LOXHD1: variants seen among roughly 807,000 people sequenced by gnomAD.
LOXHD1 encodes lipoxygenase homology PLAT domains 1.
In LOXHD1, 205 loss-of-function variants were observed where a neutral mutation model predicts 248.2. The ratio of observed to expected loss-of-function variants is 0.83; its 90% CI spans 0.74 to 0.93. The LOEUF (loss-of-function observed/expected upper bound fraction) is 0.93. Ranked by LOEUF, LOXHD1 falls within the 40% of genes least tolerant of loss-of-function variation. LOXHD1 has a pLI of 0.00. For missense variants in LOXHD1, 2,930 were observed against 2,971.6 expected (o/e 0.99, Z 0.33); for synonymous variants, 1,113 against 1,162.8 (o/e 0.96, Z 0.87).
chr18:46,483,801 G>A, intron 39 of LOXHD1, 56 bp from the exon 40 acceptor site: 3 of 1,522,118 alleles, frequency 2.0e-6, no homozygotes, highest in Non-Finnish European at 2.7e-6. Flanking sequence ...AAGCAGGTAA[G>A]CATTTGTCGG....
chr18:46,488,960 TC>T lies in LOXHD1; in HGVS notation c.6049+11del. ...CTGCCTCCCTCCTGAGCCAATGATC[TC>T]CCCCACATACTGGTCTCTTCCAGCT... On this transcript the variant is annotated intron_variant, in intron 38 of 40. Transcript: ENST00000642948. The T allele has an allele frequency of 1.3e-6, 2 of 1,546,532 alleles. No homozygotes were observed. Among genetic ancestry groups the T allele is most frequent in the Non-Finnish European group, 1.8e-6 (2 of 1,142,588 alleles).
chr18:46,481,920 G>A (rs909088547), intron 40 of LOXHD1, among the ~76,000 whole-genome samples: 11 of 152,316 alleles, frequency 7.2e-5, no homozygotes, highest in Admixed American at 6.5e-4. Flanking sequence ...TAATGTGAGG[G>A]TGACTATTTT....
intron 27 of LOXHD1, 23 bp downstream of exon 27, chr18:46,534,312 G>A: frequency 1.3e-6 from 2 of 1,514,782 alleles, no homozygotes; most frequent in Non-Finnish European, 9.0e-7. Flanking sequence ...AGAAACAGCA[G>A]GACAGACCAG....
intron 2 of LOXHD1, among the ~76,000 whole-genome samples, chr18:46,648,789 T>A (rs2039067808): frequency 6.6e-6 from 1 of 152,174 alleles, no homozygotes; most frequent in Non-Finnish European, 1.5e-5. Context: ...CTCCCTCAGA[T>A]GTATGGTCTT....
chr18:46,505,822 C>A lies in LOXHD1; in HGVS notation c.5878+16G>T, dbSNP rs145820589. ...AGGGCTGCCCTCCCACCAACCTGGC[C>A]TTGAGTGGGAGCTACCTTTGTTGTC... On this transcript the variant is annotated intron_variant, in intron 37 of 40. Transcript: ENST00000642948. 74 of 1,551,546 alleles carry A rather than the reference C, an allele frequency of 4.8e-5. No individual in the cohort carries two copies. In the African/African-American group the frequency reaches 7.2e-4, roughly 15 times the overall value.
At chr18:46,499,832 A>G (rs917124018) in intron 37 of LOXHD1, among the ~76,000 whole-genome samples, 2 of 152,226 alleles carry the variant, frequency 1.3e-5, no homozygotes, top group Non-Finnish European at 2.9e-5. Flanking sequence ...AAGGGATTCT[A>G]GAAATTTGCT....
chr18:46,496,639 A>G (rs1210416312), intron 37 of LOXHD1, among the ~76,000 whole-genome samples: 1 of 152,194 alleles, frequency 6.6e-6, no homozygotes, highest in Non-Finnish European at 1.5e-5. Flanking sequence ...ATTAAAAGGA[A>G]ATTGGACACA....
chr18:46,641,116 C>T (rs981732062), intron 3 of LOXHD1, among the ~76,000 whole-genome samples: 4 of 151,626 alleles, frequency 2.6e-5, no homozygotes, highest in East Asian at 2.0e-4. Flanking sequence ...TTTCCCTGCT[C>T]GTAACCTCCT....
intron 37 of LOXHD1, among the ~76,000 whole-genome samples, chr18:46,499,325 A>G (rs1170532824): frequency 6.6e-6 from 1 of 152,184 alleles, no homozygotes. Context: ...TTAGCAGGGG[A>G]AGGGAATGGC....
intron 39 of LOXHD1, 142 bp from the exon 40 acceptor site, chr18:46,483,887 G>T: frequency 1.1e-6 from 1 of 937,676 alleles, no homozygotes. Flanking sequence ...CAGTCCTGGA[G>T]GCTTTGAGGG....
intron 5 of LOXHD1, among the ~76,000 whole-genome samples, 192 bp from the exon 6 acceptor site, chr18:46,611,116 C>A (rs1249634015): frequency 1.3e-5 from 2 of 152,184 alleles, no homozygotes; most frequent in Non-Finnish European, 2.9e-5. Context: ...TGGCTTGTGC[C>A]CAGGTCTTAT....
In LOXHD1 at chr18:46,489,058, C is replaced by T. The variant is rs1598827107; in HGVS notation, c.5963G>A (p.Trp1988Ter). The change falls in exon 38 of 41, where the codon TGG becomes TAG. Residue 1988 changes from tryptophan (W) to a stop codon, truncating the protein, a stop_gained. Transcript: ENST00000642948. LOFTEE classifies it high-confidence loss of function. ...DETFHFQCDC[W>*]LSKSEGDGQT... Reference sequence around the variant, plus strand: ...CCCGTCACCCTCACTCTTGGAGAGCCAGCAGTCACACTGGAAGTGGAAGGT... The same window carrying T: ...CCCGTCACCCTCACTCTTGGAGAGCTAGCAGTCACACTGGAAGTGGAAGGT... The T allele has an allele frequency of 3.2e-6, 5 of 1,551,590 alleles. No homozygotes were observed. The highest frequency in any genetic ancestry group is 4.4e-6 in the Non-Finnish European group (5 of 1,147,008).
rs192350410 is a variant in LOXHD1 at position 46,630,428 on chromosome 18, G to T, written c.511+9188C>A. Among the ~76,000 whole-genome samples the T allele has an allele frequency of 5.3e-5, 8 of 152,308 alleles. No homozygotes were observed. In the East Asian group the frequency reaches 1.2e-3, roughly 22 times the overall value. On this transcript the variant is annotated intron_variant, in intron 4 of 40. Coordinates refer to ENST00000642948, the MANE Select transcript of LOXHD1 (RefSeq NM_001384474.1). ...AGAAAGCAGGAAATGACATCATATTGGTCGTGAGAAGGCCAGGCAGGATCT... is the reference window on the plus strand; with the variant it reads ...AGAAAGCAGGAAATGACATCATATTTGTCGTGAGAAGGCCAGGCAGGATCT...
chr18:46,530,142 G>C (rs2035999207), intron 28 of LOXHD1, among the ~76,000 whole-genome samples: 1 of 152,112 alleles, frequency 6.6e-6, no homozygotes, highest in Non-Finnish European at 1.5e-5. Flanking sequence ...CTCTGTCTTT[G>C]GAGATTTTGA....
chr18:46,486,148 C>T (rs57604897), intron 38 of LOXHD1, among the ~76,000 whole-genome samples: 24,078 of 152,022 alleles, frequency 0.16, 3,070 homozygotes, highest in East Asian at 0.73. Context: ...TCCCCAGGGA[C>T]CAGACCAGGG....
At chr18:46,538,358 G>A in intron 25 of LOXHD1, 21 bp from the exon 26 acceptor site, 1 of 1,537,816 alleles carries the variant, frequency 6.5e-7, no homozygotes, top group Non-Finnish European at 8.8e-7. Flanking sequence ...TGGTCAGAGG[G>A]CAAAGCCAGA....
chr18:46,649,856 A>C (rs745664920), intron 1 of LOXHD1, among the ~76,000 whole-genome samples: 4 of 152,188 alleles, frequency 2.6e-5, no homozygotes, highest in Non-Finnish European at 4.4e-5. Context: ...TCAGGGCATC[A>C]GTACAATTAT....
chr18:46,532,984 G>A (rs1393612376), intron 28 of LOXHD1, among the ~76,000 whole-genome samples, 178 bp downstream of exon 28: 2 of 152,238 alleles, frequency 1.3e-5, no homozygotes, highest in African/African-American at 4.8e-5. Flanking sequence ...TATTAGCTGT[G>A]TGCACTTAGG....
chr18:46,515,059 G>A (rs1480472736), intron 34 of LOXHD1, among the ~76,000 whole-genome samples: 4 of 152,206 alleles, frequency 2.6e-5, no homozygotes, highest in African/African-American at 9.7e-5. Flanking sequence ...AAGATGAGAA[G>A]TTGGGAAATT....
Sources: gnomAD v4.1 joint callset for allele counts (sites outside exome capture counted in the v4.1 genomes callset) on GRCh38, gnomAD v4.1.1 for gene constraint, MANE v1.5 for transcripts, NCBI Gene and HGNC (gene_info 2026-07-23, HGNC 2026-07-21) for gene names.